TMTC2: variants seen among roughly 807,000 people sequenced by gnomAD.
The protein encoded by TMTC2 is protein O-mannosyl-transferase TMTC2.
TMTC2 carries 43 observed loss-of-function variants against 82.4 expected under a neutral mutation model. The observed-to-expected ratio is 0.52, with a 90% CI of 0.41 to 0.67. The LOEUF is 0.67. Ranked by LOEUF, TMTC2 falls within the 30% of genes least tolerant of loss-of-function variation. The pLI, the probability that TMTC2 is intolerant of heterozygous loss-of-function variation, is 0.00. For missense variants in TMTC2, 919 were observed against 1,012.4 expected (o/e 0.91, Z 1.25); for synonymous variants, 408 against 381.9 (o/e 1.07, Z -0.80).
At chr12:83,021,358 A>G (rs192856306) in intron 8 of TMTC2, among the ~76,000 whole-genome samples, 14 of 152,242 alleles carry the variant, frequency 9.2e-5, no homozygotes, top group Non-Finnish European at 1.6e-4. Flanking sequence ...CCTTCCTATC[A>G]ACACTTGCTT....
chr12:82,855,985 A>G (rs1332937567), intron 1 of TMTC2, among the ~76,000 whole-genome samples: 2 of 152,222 alleles, frequency 1.3e-5, no homozygotes, highest in Non-Finnish European at 2.9e-5. Flanking sequence ...ATTAGCCATG[A>G]AGCTCTGTGT....
intron 1 of TMTC2, among the ~76,000 whole-genome samples, chr12:82,765,342 C>A (rs1399570331): frequency 2.0e-5 from 3 of 152,096 alleles, no homozygotes; most frequent in Non-Finnish European, 4.4e-5. Flanking sequence ...TTCTCAATTT[C>A]TCTCCTTCCC....
rs1363847058 is a variant in TMTC2 at position 83,133,762 on chromosome 12, A to G, written c.*1373A>G. 6.6e-6 allele frequency: 1 copy of G among 152,216 alleles called. No homozygotes were observed. Among genetic ancestry groups the G allele is most frequent in the East Asian group, 1.9e-4 (1 of 5,202 alleles). 9.4% of individuals were successfully genotyped at this position (152,216 alleles called of 1,614,324 possible). On this transcript the variant is annotated 3_prime_UTR_variant, in exon 12 of 12. Coordinates refer to ENST00000321196, the MANE Select transcript of TMTC2 (RefSeq NM_152588.3). ...CCACTAAAAATTAACTTCATAAAACACTAGTCCGTTATCAACTTCTTCACA... is the reference window on the plus strand; with the variant it reads ...CCACTAAAAATTAACTTCATAAAACGCTAGTCCGTTATCAACTTCTTCACA...
chr12:82,893,564 A>G (rs1873508480), intron 2 of TMTC2, among the ~76,000 whole-genome samples: 1 of 152,106 alleles, frequency 6.6e-6, no homozygotes, highest in African/African-American at 2.4e-5. Context: ...ATTAATGAAT[A>G]ATTCCACCGC....
At chr12:82,968,986 C>T (rs1261825365) in intron 7 of TMTC2, among the ~76,000 whole-genome samples, 1 of 152,084 alleles carries the variant, frequency 6.6e-6, no homozygotes, top group Admixed American at 6.6e-5. Flanking sequence ...GGTCTGCTAG[C>T]CAATCAAGTT....
intron 8 of TMTC2, among the ~76,000 whole-genome samples, chr12:82,988,749 A>T (rs1879278601): frequency 6.6e-6 from 1 of 151,158 alleles, no homozygotes; most frequent in Non-Finnish European, 1.5e-5. Flanking sequence ...ATTCTGATCC[A>T]GGGAAACTAA....
chr12:82,885,273 G>A (rs1220481322), intron 2 of TMTC2, among the ~76,000 whole-genome samples: 1 of 151,692 alleles, frequency 6.6e-6, no homozygotes, highest in Non-Finnish European at 1.5e-5. Flanking sequence ...TCTTTCCATT[G>A]GAATTTGTCG....
At position 82,938,162 on chromosome 12, in the gene TMTC2, C is replaced by T. The variant is rs181922150; in HGVS notation, c.1598+7617C>T. ...CTCCTGACCTGAGGTGATCCACCCA[C>T]CTCAGCCTCCCAAAGTACTGGGATT... On this transcript the variant is annotated intron_variant, in intron 4 of 11. Coordinates refer to ENST00000321196, the MANE Select transcript of TMTC2 (RefSeq NM_152588.3). 4.6e-5 allele frequency among the ~76,000 whole-genome samples: 7 copies of T among 152,072 alleles called. No homozygotes were observed. The East Asian group carries it at 1.4e-3, about 30-fold the overall frequency.
intron 8 of TMTC2, among the ~76,000 whole-genome samples, chr12:83,008,810 G>T (rs552619826): frequency 1.3e-5 from 2 of 152,150 alleles, no homozygotes; most frequent in East Asian, 3.9e-4. Flanking sequence ...AGTGTTTGTT[G>T]TAGCTACAGC....
At chr12:82,796,102 G>A (rs368870240) in intron 1 of TMTC2, among the ~76,000 whole-genome samples, 6 of 152,134 alleles carry the variant, frequency 3.9e-5, no homozygotes, top group African/African-American at 1.4e-4. Flanking sequence ...GTGAGTATGA[G>A]CGGCCTCCCA....
chr12:82,811,907 C>T (rs1565760859), intron 1 of TMTC2, among the ~76,000 whole-genome samples: 1 of 148,292 alleles, frequency 6.7e-6, no homozygotes, highest in Non-Finnish European at 1.5e-5. Context: ...AACCTCACCT[C>T]CTGGGTTCAA....
intron 9 of TMTC2, among the ~76,000 whole-genome samples, chr12:83,045,727 G>GTA (rs1437284307): frequency 7.0e-6 from 1 of 142,452 alleles, no homozygotes; most frequent in Non-Finnish European, 1.5e-5. Flanking sequence ...ACACACACAC[G>GTA]CACACACACA....
At chr12:82,727,604 C>T (rs1253746806) in intron 1 of TMTC2, among the ~76,000 whole-genome samples, 3 of 151,794 alleles carry the variant, frequency 2.0e-5, no homozygotes, top group Non-Finnish European at 2.9e-5. Context: ...GCCTGTAATC[C>T]CAGCTACTCG....
chr12:82,690,564 C>G (rs1592850526), intron 1 of TMTC2: 1 of 235,218 alleles, frequency 4.3e-6, no homozygotes, highest in African/African-American at 2.3e-5. Context: ...CAATCAATTT[C>G]TCTATGGTAA....
chr12:83,045,420 C>CT (rs1487121453), intron 9 of TMTC2, among the ~76,000 whole-genome samples: 1 of 151,934 alleles, frequency 6.6e-6, no homozygotes, highest in Non-Finnish European at 1.5e-5. Context: ...GCTGTTTGTG[C>CT]TTTTTTAATT....
chr12:83,066,652 G>C lies in TMTC2; in HGVS notation c.2331+4821G>C, dbSNP rs745551005. Among the ~76,000 whole-genome samples the C allele has an allele frequency of 1.0e-3, 153 of 151,888 alleles. 1 individual carries two copies. Among genetic ancestry groups the C allele is most frequent in the Non-Finnish European group, 1.4e-3 (95 of 67,870 alleles). On this transcript the variant is annotated intron_variant, in intron 11 of 11. Transcript: ENST00000321196. ...ATGGTAATAGTATAGGCATAAGGTAGTGAAACTAAAGTACAGAAATTGAGA... is the reference window on the plus strand; with the variant it reads ...ATGGTAATAGTATAGGCATAAGGTACTGAAACTAAAGTACAGAAATTGAGA...
chr12:82,857,615 T>C, intron 2 of TMTC2, 35 bp downstream of exon 2: 1 of 1,540,978 alleles, frequency 6.5e-7, no homozygotes, highest in South Asian at 1.3e-5. Flanking sequence ...ATTGGATTAC[T>C]GAGTAATCTA....
At chr12:82,898,623 A>G (rs1001641598) in intron 3 of TMTC2, among the ~76,000 whole-genome samples, 3 of 152,170 alleles carry the variant, frequency 2.0e-5, no homozygotes, top group Non-Finnish European at 4.4e-5. Flanking sequence ...TTGCCATCTC[A>G]GTGGTGTCAC....
chr12:82,936,739 A>T (rs967237793), intron 4 of TMTC2, among the ~76,000 whole-genome samples: 1 of 152,190 alleles, frequency 6.6e-6, no homozygotes, highest in Non-Finnish European at 1.5e-5. Flanking sequence ...CTATATCATA[A>T]TAAATATCTG....
Sources: gnomAD v4.1 joint callset for allele counts (sites outside exome capture counted in the v4.1 genomes callset) on GRCh38, gnomAD v4.1.1 for gene constraint, MANE v1.5 for transcripts, NCBI Gene and HGNC (gene_info 2026-07-23, HGNC 2026-07-21) for gene names.